POU3F3: variants seen among roughly 807,000 people sequenced by gnomAD.
POU3F3 encodes POU domain, class 3, transcription factor 3.
POU3F3 carries 1 observed loss-of-function variant against 8.6 expected under a neutral mutation model. The observed-to-expected ratio is 0.12, with a 90% CI of 0.04 to 0.55. POU3F3 has a LOEUF of 0.55. Among genes scored for constraint, POU3F3 ranks in the 20% least tolerant of loss-of-function variants. The pLI is 0.91. For synonymous variants in POU3F3, 418 were observed against 327.4 expected, an observed-to-expected ratio of 1.28 and a Z score of -2.99; for missense variants, 577 against 690.7, an observed-to-expected ratio of 0.84 and a Z score of 1.84.
chr2:104,867,126 G>A, the POU3F3 span: 1 of 152,256 alleles, frequency 6.6e-6, no homozygotes, highest in East Asian at 1.9e-4. This position sits in a 1 kb window ranked among gnomAD's most constrained non-coding sequence, Gnocchi z 5.0. Context: ...GCAGCATCCC[G>A]AGGTCACATT....
the POU3F3 span, among the ~76,000 whole-genome samples, chr2:104,880,388 T>G: frequency 1.3e-5 from 2 of 152,142 alleles, no homozygotes; most frequent in Non-Finnish European, 2.9e-5. Flanking sequence ...TGTACAAAGA[T>G]GAGCTCAGCT....
the POU3F3 span, among the ~76,000 whole-genome samples, chr2:104,879,666 C>A: frequency 6.6e-6 from 1 of 152,058 alleles, no homozygotes; most frequent in Non-Finnish European, 1.5e-5. Flanking sequence ...GCATTGATCA[C>A]CCCTCCTTCC....
the POU3F3 span, among the ~76,000 whole-genome samples, chr2:104,898,367 T>A: frequency 6.6e-6 from 1 of 152,212 alleles, no homozygotes; most frequent in Admixed American, 6.5e-5. Flanking sequence ...AAGATACGTT[T>A]TCCTGGGGAT....
the POU3F3 span, among the ~76,000 whole-genome samples, chr2:104,863,642 G>C: frequency 6.6e-6 from 1 of 152,128 alleles, no homozygotes; most frequent in African/African-American, 2.4e-5. Context: ...AGTAAAGACG[G>C]ATCTGGACCC....
chr2:104,909,039 C>T, the POU3F3 span, among the ~76,000 whole-genome samples: 106 of 151,992 alleles, frequency 7.0e-4, no homozygotes, highest in Admixed American at 4.2e-3. Flanking sequence ...AGGTTTCACA[C>T]GTGATAGTAA....
the POU3F3 span, among the ~76,000 whole-genome samples, chr2:104,911,443 C>T: frequency 3.4e-5 from 5 of 149,114 alleles, no homozygotes; most frequent in South Asian, 2.1e-4. Context: ...AAGTGCTACA[C>T]GGCCACAAAC....
At chr2:104,921,180 T>A in the POU3F3 span, among the ~76,000 whole-genome samples, 2 of 152,172 alleles carry the variant, frequency 1.3e-5, no homozygotes, top group East Asian at 3.9e-4. Context: ...TGGCCAGCAG[T>A]GACAGAGGCG....
the POU3F3 span, among the ~76,000 whole-genome samples, chr2:104,913,019 T>C: frequency 2.0e-5 from 3 of 152,210 alleles, no homozygotes; most frequent in Non-Finnish European, 2.9e-5. Context: ...TTCATTTACC[T>C]AGATTGAAAA....
At chr2:104,853,724 C>G (rs1676488818), upstream of POU3F3, 1 of 152,292 alleles carries the variant, frequency 6.6e-6, no homozygotes, top group Admixed American at 6.5e-5. Context: ...TCTCTTCCCC[C>G]CTCTCGTCCC....
the POU3F3 span, among the ~76,000 whole-genome samples, chr2:104,864,200 A>G: frequency 6.6e-6 from 1 of 152,218 alleles, no homozygotes; most frequent in East Asian, 1.9e-4. Flanking sequence ...CAAGGCAGGG[A>G]CTGTGCCCAG....
chr2:104,911,414 CAAAAA>C, the POU3F3 span, among the ~76,000 whole-genome samples: 1 of 60,972 alleles, frequency 1.6e-5, no homozygotes, highest in East Asian at 3.1e-4. Flanking sequence ...GACTCCGTCT[CAAAAA>C]AAAAAAAAAA....
the POU3F3 span, chr2:104,868,292 G>T: frequency 2.2e-6 from 1 of 456,694 alleles, no homozygotes; most frequent in Non-Finnish European, 4.4e-6. Context: ...CTCAGGGCCC[G>T]AGTTCAGGGC....
chr2:104,870,493 T>C, the POU3F3 span, among the ~76,000 whole-genome samples: 4 of 152,212 alleles, frequency 2.6e-5, no homozygotes, highest in Non-Finnish European at 5.9e-5. Flanking sequence ...GCTGCTGCTG[T>C]AGGCTTCTAC....
chr2:104,892,843 G>A, the POU3F3 span, among the ~76,000 whole-genome samples: 2 of 152,042 alleles, frequency 1.3e-5, no homozygotes, highest in Non-Finnish European at 2.9e-5. Flanking sequence ...GATTACAGAC[G>A]TGAGCCACTG....
At chr2:104,863,790 A>G in the POU3F3 span, among the ~76,000 whole-genome samples, 2 of 152,076 alleles carry the variant, frequency 1.3e-5, no homozygotes, top group Non-Finnish European at 2.9e-5. Context: ...CCAACCCATA[A>G]CCTTTCGCTC....
chr2:104,915,095 G>A, the POU3F3 span, among the ~76,000 whole-genome samples: 3 of 152,244 alleles, frequency 2.0e-5, no homozygotes, highest in Non-Finnish European at 4.4e-5. Context: ...GCACAAAGGC[G>A]TGGCAAGAGC....
the POU3F3 span, among the ~76,000 whole-genome samples, chr2:104,879,669 C>A: frequency 1.3e-5 from 2 of 152,092 alleles, no homozygotes; most frequent in African/African-American, 4.8e-5. Context: ...TTGATCACCC[C>A]TCCTTCCTTG....
chr2:104,899,281 G>T, the POU3F3 span, among the ~76,000 whole-genome samples: 1 of 152,230 alleles, frequency 6.6e-6, no homozygotes, highest in African/African-American at 2.4e-5. Context: ...GCTGCAGCAT[G>T]AGTGCTGTGT....
chr2:104,886,366 AT>A, the POU3F3 span, among the ~76,000 whole-genome samples: 3 of 152,216 alleles, frequency 2.0e-5, no homozygotes, highest in Non-Finnish European at 2.9e-5. Flanking sequence ...TGCCTACAGT[AT>A]TCAGTACAGT....
Sources: gnomAD v4.1 joint callset for allele counts (sites outside exome capture counted in the v4.1 genomes callset) on GRCh38, gnomAD v4.1.1 for gene constraint, Gnocchi (gnomAD v3.1) non-coding constraint, MANE v1.5 for transcripts, NCBI Gene and HGNC (gene_info 2026-07-23, HGNC 2026-07-21) for gene names.